Variants in DOCK7 observed in about 807,000 individuals in gnomAD.
DOCK7 encodes the protein dedicator of cytokinesis 7.
In DOCK7, 138 loss-of-function variants were observed where a neutral mutation model predicts 271.0. The observed-to-expected ratio is 0.51, with a 90% CI of 0.44 to 0.59. DOCK7 has a LOEUF of 0.59. DOCK7 is among the 20% of genes least tolerant of loss of function. The pLI is 0.00. For synonymous variants in DOCK7, 823 were observed against 876.1 expected (o/e 0.94, Z 1.07); for missense variants, 2,066 against 2,592.4 (o/e 0.80, Z 4.41).
At chr1:62,662,701 C>CAGTG (rs1430541862) in intron 2 of DOCK7, among the ~76,000 whole-genome samples, 6 of 152,056 alleles carry the variant, frequency 3.9e-5, no homozygotes, top group Non-Finnish European at 7.4e-5. Context: ...GCGGAAGTTG[C>CAGTG]AGTGAGCCGA....
intron 1 of DOCK7, among the ~76,000 whole-genome samples, chr1:62,666,900 C>G (rs1034439687): frequency 1.3e-5 from 2 of 152,182 alleles, no homozygotes; most frequent in Non-Finnish European, 2.9e-5. Flanking sequence ...AGTATTTGAC[C>G]TATTTATCTC....
At chr1:62,470,051 A>G (rs1645787344) in intron 48 of DOCK7, among the ~76,000 whole-genome samples, 1 of 152,218 alleles carries the variant, frequency 6.6e-6, no homozygotes, top group South Asian at 2.1e-4. Flanking sequence ...AAGAACTAAA[A>G]GTAGAACTAC....
At chr1:62,536,878 C>T (rs1051031974) in intron 28 of DOCK7, among the ~76,000 whole-genome samples, 98 of 152,250 alleles carry the variant, frequency 6.4e-4, no homozygotes, top group African/African-American at 2.2e-3. Context: ...GATACTAAAA[C>T]CACAAAATCT....
intron 14 of DOCK7, among the ~76,000 whole-genome samples, chr1:62,587,139 G>A (rs1647651363): frequency 6.6e-6 from 1 of 151,748 alleles, no homozygotes; most frequent in Non-Finnish European, 1.5e-5. Flanking sequence ...ACAATATGAT[G>A]GATATAATAG....
At chr1:62,584,725 C>A in intron 15 of DOCK7, 1 of 1,052,686 alleles carries the variant, frequency 9.5e-7, no homozygotes, top group South Asian at 1.4e-5. Flanking sequence ...AAGACATCGT[C>A]CCTGCCCTCA....
chr1:62,507,574 A>AT (rs1390749637), intron 35 of DOCK7, among the ~76,000 whole-genome samples: 1 of 152,246 alleles, frequency 6.6e-6, no homozygotes, highest in Non-Finnish European at 1.5e-5. Flanking sequence ...ATGATTATAG[A>AT]TAAAAAGCCT....
At chr1:62,562,020 T>TACATATATATGTACATATATA (rs1557720363) in intron 18 of DOCK7, among the ~76,000 whole-genome samples, 1 of 148,266 alleles carries the variant, frequency 6.7e-6, no homozygotes, top group African/African-American at 2.6e-5. Flanking sequence ...GTACATATAT[T>TACATATATATGTACATATATA]TTTATACACA....
intron 31 of DOCK7, 39 bp downstream of exon 31, chr1:62,528,112 T>G: frequency 6.3e-7 from 1 of 1,577,564 alleles, no homozygotes; most frequent in African/African-American, 1.4e-5. Flanking sequence ...AATATTTGTC[T>G]TTCTAGAAAA....
chr1:62,556,111 A>G, intron 20 of DOCK7, 122 bp from the exon 21 acceptor site: 1 of 950,296 alleles, frequency 1.1e-6, no homozygotes, highest in Non-Finnish European at 1.6e-6. Context: ...GTAAGTGTAT[A>G]AAGATGATTA....
intron 31 of DOCK7, among the ~76,000 whole-genome samples, chr1:62,515,136 G>GAAA (rs995486937): frequency 5.0e-5 from 5 of 99,486 alleles, no homozygotes; most frequent in Non-Finnish European, 8.5e-5. Context: ...TCATCTTACA[G>GAAA]AAAAAAAAAA....
intron 14 of DOCK7, among the ~76,000 whole-genome samples, chr1:62,587,703 G>A (rs543090885): frequency 3.4e-4 from 51 of 152,234 alleles, no homozygotes; most frequent in Non-Finnish European, 6.8e-4. Context: ...ATTTATTGAT[G>A]TGGAAAGAGA....
intron 43 of DOCK7, chr1:62,484,871 G>C (rs1204603319): frequency 6.6e-6 from 1 of 152,166 alleles, no homozygotes; most frequent in Non-Finnish European, 1.5e-5. Flanking sequence ...TGGGCATGGT[G>C]GCTTATTCCT....
At position 62,564,824 on chromosome 1, in the gene DOCK7, AG is replaced by A. The variant is rs373561862; in HGVS notation, c.2113-3122del. Among the ~76,000 whole-genome samples, 11 of 152,342 alleles carry A rather than the reference AG, an allele frequency of 7.2e-5. No homozygotes were observed. The East Asian group carries it at 1.9e-3, about 27-fold the overall frequency. ...AAGCCAGACTAATAAAGAACAAAAG[AG>A]AGATGAATCAAATAGATGCAATAAA... is the stretch of plus-strand genomic sequence containing the variant. On this transcript the variant is annotated intron_variant, in intron 18 of 49. Coordinates refer to ENST00000635253, the MANE Select transcript of DOCK7 (RefSeq NM_001367561.1).
At position 62,494,478 on chromosome 1, in the gene DOCK7, C is replaced by A. The variant is rs772520151; in HGVS notation, c.5025-11G>T. ...TAACCCTTGGCAATTCTAATTAGAA[C>A]AGAAATTCTTCTCCATTAGTATGTG... On this transcript the variant is annotated splice_polypyrimidine_tract_variant and intron_variant, in intron 39 of 49. Coordinates refer to ENST00000635253, the MANE Select transcript of DOCK7 (RefSeq NM_001367561.1). 3 of 1,588,402 alleles carry A rather than the reference C, an allele frequency of 1.9e-6. No homozygotes were observed. Among genetic ancestry groups the A allele is most frequent in the East Asian group, 2.3e-5 (1 of 44,216 alleles).
intron 14 of DOCK7, among the ~76,000 whole-genome samples, chr1:62,609,776 C>T (rs189988792): frequency 3.3e-5 from 5 of 152,212 alleles, no homozygotes; most frequent in Admixed American, 3.3e-4. Context: ...ATGCAAGCCC[C>T]TAACTAAAAA....
chr1:62,546,984 C>T (rs140346174), intron 22 of DOCK7, among the ~76,000 whole-genome samples: 10 of 152,100 alleles, frequency 6.6e-5, no homozygotes, highest in African/African-American at 2.4e-4. Flanking sequence ...TTGATTTTTG[C>T]AAAATTATAA....
intron 38 of DOCK7, 200 bp from the exon 39 acceptor site, chr1:62,495,881 C>T: frequency 2.3e-6 from 1 of 444,444 alleles, no homozygotes; most frequent in Admixed American, 4.3e-5. Context: ...CCTCAGCAGA[C>T]TATGTTTATT....
intron 43 of DOCK7, among the ~76,000 whole-genome samples, chr1:62,480,764 T>C (rs1646097250): frequency 6.6e-6 from 1 of 152,176 alleles, no homozygotes; most frequent in Non-Finnish European, 1.5e-5. Context: ...ATCCCAGCAC[T>C]TTGGGAGGCC....
intron 23 of DOCK7, among the ~76,000 whole-genome samples, chr1:62,544,333 T>A (rs377719490): frequency 3.3e-5 from 5 of 152,300 alleles, no homozygotes; most frequent in South Asian, 2.1e-4. Flanking sequence ...GTATTAGCTA[T>A]CAAGCAACTA....
Sources: gnomAD v4.1 joint callset for allele counts (sites outside exome capture counted in the v4.1 genomes callset) on GRCh38, gnomAD v4.1.1 for gene constraint, MANE v1.5 for transcripts, NCBI Gene and HGNC (gene_info 2026-07-23, HGNC 2026-07-21) for gene names.